KCNK2: variants seen among roughly 807,000 people sequenced by gnomAD.
KCNK2 encodes potassium channel subfamily K member 2.
Under a neutral mutation model 40.5 loss-of-function variants are expected in KCNK2, and 21 were observed. The observed-to-expected ratio is 0.52, with a 90% confidence interval of 0.37 to 0.75. The LOEUF is 0.75. Among genes scored for constraint, KCNK2 ranks in the 30% least tolerant of loss-of-function variants. KCNK2 has a pLI of 0.00. For synonymous variants in KCNK2, 191 were observed against 202.2 expected, an observed-to-expected ratio of 0.94 and a Z score of 0.47; for missense variants, 399 against 531.6, an observed-to-expected ratio of 0.75 and a Z score of 2.45.
In KCNK2 at chr1:215,083,024, C is replaced by T; in HGVS notation, c.-362C>T. 6.4e-6 allele frequency: 1 copy of T among 155,970 alleles called. No homozygotes were observed. Among genetic ancestry groups the T allele is most frequent in the Non-Finnish European group, 1.4e-5 (1 of 73,954 alleles). 9.7% of individuals were successfully genotyped at this position (155,970 alleles called of 1,614,324 possible). The stretch of plus-strand genomic sequence containing the variant: ...CGCGTGGCGGCGGCGGCGGCGGCGG[C>T]GGCGGCGGGCAGGCGCGGGACCCGG... On this transcript the variant is annotated 5_prime_UTR_variant, in exon 1 of 7. Coordinates refer to ENST00000444842, the MANE Select transcript of KCNK2 (RefSeq NM_001017425.3).
At chr1:215,195,868 T>G (rs1664842281) in intron 6 of KCNK2, among the ~76,000 whole-genome samples, 1 of 152,174 alleles carries the variant, frequency 6.6e-6, no homozygotes, top group Non-Finnish European at 1.5e-5. Context: ...CTTTGCTAAT[T>G]GTTTCAGAGA....
chr1:215,189,317 G>A (rs942768831), intron 5 of KCNK2, among the ~76,000 whole-genome samples: 3 of 152,216 alleles, frequency 2.0e-5, no homozygotes, highest in African/African-American at 2.4e-5. Flanking sequence ...TGATAATTAC[G>A]GCTTTGTGAG....
intron 5 of KCNK2, among the ~76,000 whole-genome samples, chr1:215,175,493 A>G (rs980478671): frequency 2.7e-5 from 4 of 149,234 alleles, no homozygotes; most frequent in African/African-American, 4.9e-5. Flanking sequence ...TTTTTTTCTT[A>G]AATAATTTCA....
At chr1:215,136,352 C>A (rs1215238773) in intron 3 of KCNK2, among the ~76,000 whole-genome samples, 3 of 151,994 alleles carry the variant, frequency 2.0e-5, no homozygotes, top group African/African-American at 7.2e-5. Context: ...CCACCGTCGG[C>A]CTCTCAAAGT....
At chr1:215,109,616 C>T (rs1660591783) in intron 2 of KCNK2, among the ~76,000 whole-genome samples, 1 of 151,666 alleles carries the variant, frequency 6.6e-6, no homozygotes, top group Admixed American at 6.6e-5. Context: ...TTTATTCATT[C>T]ATCTATTGTT....
chr1:215,119,189 C>G (rs1361514329), intron 2 of KCNK2, among the ~76,000 whole-genome samples: 2 of 152,148 alleles, frequency 1.3e-5, no homozygotes, highest in East Asian at 1.9e-4. Flanking sequence ...GTTGGACTGA[C>G]AGAAACATTT....
chr1:215,012,637 A>T (rs547801226), intron 1 of KCNK2, among the ~76,000 whole-genome samples: 4 of 136,974 alleles, frequency 2.9e-5, no homozygotes, highest in African/African-American at 1.2e-4. Context: ...ACACCCAGCT[A>T]ATTTTTTAGT....
chr1:215,199,194 G>C (rs569783537), intron 6 of KCNK2, among the ~76,000 whole-genome samples: 29 of 152,092 alleles, frequency 1.9e-4, no homozygotes, highest in Non-Finnish European at 3.8e-4. Context: ...TGTAGTCCCA[G>C]CTACTCAGGA....
chr1:215,137,763 C>T (rs1661995295), intron 3 of KCNK2, among the ~76,000 whole-genome samples: 1 of 152,140 alleles, frequency 6.6e-6, no homozygotes, highest in Non-Finnish European at 1.5e-5. Context: ...ATGTATTTAA[C>T]AGTGGTAAAT....
intron 2 of KCNK2, among the ~76,000 whole-genome samples, chr1:215,111,352 G>A (rs1398611699): frequency 1.3e-5 from 2 of 152,108 alleles, no homozygotes; most frequent in Admixed American, 6.6e-5. Flanking sequence ...AATGTTAACT[G>A]TAGGGTGTTA....
intron 1 of KCNK2, among the ~76,000 whole-genome samples, chr1:215,058,895 G>A (rs1658259661): frequency 6.6e-6 from 1 of 151,988 alleles, no homozygotes; most frequent in African/African-American, 2.4e-5. Flanking sequence ...TAGCTTAGAA[G>A]TCACTCTCTG....
At chr1:215,173,482 C>T (rs988041124) in intron 5 of KCNK2, among the ~76,000 whole-genome samples, 1 of 152,134 alleles carries the variant, frequency 6.6e-6, no homozygotes. Context: ...TGGGTATATA[C>T]CCAGTAATGG....
intron 1 of KCNK2, among the ~76,000 whole-genome samples, chr1:215,013,557 G>A (rs1656482018): frequency 6.6e-6 from 1 of 152,110 alleles, no homozygotes; most frequent in Non-Finnish European, 1.5e-5. Flanking sequence ...CAGAAGAAGT[G>A]AGCCTTATTT....
At chr1:215,126,378 G>A (rs1350535777) in intron 3 of KCNK2, among the ~76,000 whole-genome samples, 4 of 152,084 alleles carry the variant, frequency 2.6e-5, no homozygotes, top group Non-Finnish European at 5.9e-5. Flanking sequence ...CTGGAAGAAT[G>A]GCAACCTTGA....
At chr1:215,112,871 T>C (rs979560179) in intron 2 of KCNK2, among the ~76,000 whole-genome samples, 3 of 152,264 alleles carry the variant, frequency 2.0e-5, no homozygotes, top group Admixed American at 6.5e-5. Context: ...GTACTCTCTA[T>C]GATGTTCACA....
chr1:215,018,560 T>C (rs1656671940), intron 1 of KCNK2, among the ~76,000 whole-genome samples: 2 of 151,974 alleles, frequency 1.3e-5, no homozygotes, highest in East Asian at 1.9e-4. Flanking sequence ...TTAAAAACGA[T>C]AGTTAAATGG....
At chr1:215,104,382 C>T (rs1660347656) in intron 2 of KCNK2, among the ~76,000 whole-genome samples, 2 of 152,010 alleles carry the variant, frequency 1.3e-5, no homozygotes, top group African/African-American at 4.8e-5. Context: ...GCTAGCTATT[C>T]CAGCACTTTT....
At chr1:215,066,794 A>T (rs942933642) in intron 1 of KCNK2, among the ~76,000 whole-genome samples, 1 of 152,168 alleles carries the variant, frequency 6.6e-6, no homozygotes, top group Admixed American at 6.5e-5. Flanking sequence ...ATTTTGGAGG[A>T]TAAGGATTTT....
chr1:215,213,340 G>T (rs1327511110), intron 6 of KCNK2, among the ~76,000 whole-genome samples: 2 of 152,186 alleles, frequency 1.3e-5, no homozygotes, highest in Non-Finnish European at 2.9e-5. Context: ...TGGGCGCAGT[G>T]GCTCACGCCT....
Sources: gnomAD v4.1 joint callset for allele counts (sites outside exome capture counted in the v4.1 genomes callset) on GRCh38, gnomAD v4.1.1 for gene constraint, MANE v1.5 for transcripts, NCBI Gene and HGNC (gene_info 2026-07-23, HGNC 2026-07-21) for gene names.